PCDHA9: variants seen among roughly 807,000 people sequenced by gnomAD.
PCDHA9 encodes the protein protocadherin alpha 9, also known as protocadherin alpha-9.
A neutral mutation model predicts 62.0 loss-of-function variants in PCDHA9; 62 were observed. The ratio of observed to expected loss-of-function variants is 1.00; its 90% CI spans 0.81 to 1.23. The LOEUF (loss-of-function observed/expected upper bound fraction) is 1.23, where lower values mean the gene tolerates loss of function less well. Ranked by LOEUF, PCDHA9 falls within the 50% of genes most tolerant of loss-of-function variation. The pLI is 0.00. For missense variants in PCDHA9, 1,205 were observed against 1,249.8 expected (o/e 0.96, Z 0.54); for synonymous variants, 557 against 567.6 (o/e 0.98, Z 0.27).
chr5:140,875,160 C>A, intron 1 of PCDHA9: 1 of 339,568 alleles, frequency 2.9e-6, no homozygotes, highest in Non-Finnish European at 5.1e-6. Flanking sequence ...GAAAAATAAC[C>A]CAAAGTCGAA....
At chr5:140,912,220 C>T (rs1360868463) in intron 1 of PCDHA9, among the ~76,000 whole-genome samples, 1 of 151,800 alleles carries the variant, frequency 6.6e-6, no homozygotes, top group African/African-American at 2.4e-5. Flanking sequence ...ATCTGCCTTT[C>T]CCAGTCCACT....
At chr5:140,918,309 T>C (rs2078629927) in intron 1 of PCDHA9, among the ~76,000 whole-genome samples, 1 of 152,186 alleles carries the variant, frequency 6.6e-6, no homozygotes, top group Non-Finnish European at 1.5e-5. Context: ...TAGGGTTTTC[T>C]AGGTATAAAA....
chr5:140,869,279 T>C, intron 1 of PCDHA9: 1 of 1,613,596 alleles, frequency 6.2e-7, no homozygotes, highest in Non-Finnish European at 8.5e-7. Context: ...CTGGCGGAGC[T>C]GGTGCAGCGC....
At position 141,010,354 on chromosome 5, in the gene PCDHA9, C is replaced by A. The variant is rs1359778786; in HGVS notation, c.*417C>A. On this transcript the variant is annotated 3_prime_UTR_variant, in exon 4 of 4. Coordinates refer to ENST00000532602, the MANE Select transcript of PCDHA9 (RefSeq NM_031857.2). ...GTTTGTGGCCACTGGGTATGTGTGG[C>A]TACCGCGGGTATGCGAGTGCCAGAT... The A allele has an allele frequency of 2.0e-6, 3 of 1,506,078 alleles. No homozygotes were observed. The highest frequency in any genetic ancestry group is 4.4e-5 in the Admixed American group (2 of 45,166). 93.3% of individuals were successfully genotyped at this position (1,506,078 alleles called of 1,614,324 possible).
In PCDHA9 at chr5:140,968,959, C is replaced by T. The variant is rs782079520; in HGVS notation, c.2395-9990C>T. ...TCATCATTTTGAGCATCATCAAGTG[C>T]TACCGCTACACTGCGTATGGCACTG... On this transcript the variant is annotated intron_variant, in intron 1 of 3. Transcript: ENST00000532602. The T allele has an allele frequency of 1.5e-5, 25 of 1,614,182 alleles. 1 individual carries two copies. In the Middle Eastern group the frequency reaches 1.8e-3, roughly 117 times the overall value.
chr5:140,867,187 G>C (rs1219646479), intron 1 of PCDHA9: 1 of 152,072 alleles, frequency 6.6e-6, no homozygotes, highest in Non-Finnish European at 1.5e-5. Context: ...TACCTCGCAA[G>C]ACTCCACATT....
rs116228766 is a variant in PCDHA9 at position 140,907,042 on chromosome 5, C to A, written c.2394+56153C>A. Among the ~76,000 whole-genome samples, 705 of 152,284 alleles carry A rather than the reference C, an allele frequency of 4.6e-3. 3 individuals carry two copies. The highest frequency in any genetic ancestry group is 0.016 in the African/African-American group (683 of 41,556). On this transcript the variant is annotated intron_variant, in intron 1 of 3. Coordinates refer to ENST00000532602, the MANE Select transcript of PCDHA9 (RefSeq NM_031857.2). The stretch of plus-strand genomic sequence containing the variant: ...CCAGCAGAACATAATGTCACAGGGA[C>A]AGTAAGCAAAAATTTTACTAGTGGG...
intron 3 of PCDHA9, among the ~76,000 whole-genome samples, chr5:140,997,288 T>C (rs1554255825): frequency 1.3e-5 from 2 of 152,222 alleles, no homozygotes; most frequent in African/African-American, 4.8e-5. Context: ...CACTTAACAA[T>C]GGGGATACAC....
chr5:140,996,531 G>A (rs782175834), intron 3 of PCDHA9, among the ~76,000 whole-genome samples: 1 of 152,146 alleles, frequency 6.6e-6, no homozygotes, highest in African/African-American at 2.4e-5. Context: ...GGCCCTGTGT[G>A]TTTTGATATT....
At chr5:140,874,436 C>T (rs1407636354) in intron 1 of PCDHA9, among the ~76,000 whole-genome samples, 3 of 152,286 alleles carry the variant, frequency 2.0e-5, no homozygotes, top group East Asian at 3.9e-4. Flanking sequence ...GAAGCATGTC[C>T]TAACTACTAA....
intron 1 of PCDHA9, chr5:140,870,008 G>A (rs2051578395): frequency 1.2e-6 from 2 of 1,613,528 alleles, no homozygotes; most frequent in Non-Finnish European, 1.7e-6. Flanking sequence ...GGAGAAGTGA[G>A]GGTCAATGGA....
At chr5:140,929,228 A>G in intron 1 of PCDHA9, 1 of 1,613,898 alleles carries the variant, frequency 6.2e-7, no homozygotes, top group Non-Finnish European at 8.5e-7. Flanking sequence ...AATGCTGCCG[A>G]CCTGCGAAAT....
At chr5:141,008,341 T>C (rs1307430556) in intron 3 of PCDHA9, among the ~76,000 whole-genome samples, 2 of 152,132 alleles carry the variant, frequency 1.3e-5, no homozygotes, top group African/African-American at 4.8e-5. Context: ...TGATGGAGCT[T>C]TTCACGTGTC....
At chr5:140,928,381 T>C (rs1554205835) in intron 1 of PCDHA9, 2 of 1,614,054 alleles carry the variant, frequency 1.2e-6, no homozygotes, top group African/African-American at 2.7e-5. Flanking sequence ...AGCCTCTAGC[T>C]TGCTGGCAGT....
chr5:140,850,468 C>A lies in PCDHA9; in HGVS notation c.1973C>A (p.Ala658Glu). 2 of 1,597,912 alleles carry A rather than the reference C, an allele frequency of 1.3e-6. No individual in the cohort carries two copies. Among genetic ancestry groups the A allele is most frequent in the Non-Finnish European group, 8.6e-7 (1 of 1,167,648 alleles). ...CTGGTGAAAGACCACGGGGAGCCAG[C>A]GCTGACGGCCACGGCCACTGTGCTG... ...LVLVKDHGEP[A>E]LTATATVLVS... Residue 658 changes from alanine to glutamate, a missense_variant, in exon 1 of 4, where the codon GCG (alanine) becomes GAG (glutamate). By Grantham distance (107) the Ala-to-Glu change is moderately radical (BLOSUM62 -1). Around this residue, in one of 3 missense-constraint regions of PCDHA9, gnomAD observed 887 missense variants for 809.5 expected, o/e 1.10. Transcript: ENST00000532602.
chr5:140,912,007 C>A lies in PCDHA9; in HGVS notation c.2394+61118C>A, dbSNP rs572487277. Among the ~76,000 whole-genome samples, 3 of 152,282 alleles carry A rather than the reference C, an allele frequency of 2.0e-5. No homozygotes were observed. The East Asian group carries it at 5.8e-4, about 29-fold the overall frequency. On this transcript the variant is annotated intron_variant, in intron 1 of 3. Coordinates refer to ENST00000532602, the MANE Select transcript of PCDHA9 (RefSeq NM_031857.2). ...ACAAGGTCCCACAATAGGCCATCTGCAAGCTGAGGAGCAAGCAAGCCAATC... is the reference window on the plus strand; with the variant it reads ...ACAAGGTCCCACAATAGGCCATCTGAAAGCTGAGGAGCAAGCAAGCCAATC...
chr5:140,897,806 CA>C (rs1351917169), intron 1 of PCDHA9, among the ~76,000 whole-genome samples: 11 of 152,166 alleles, frequency 7.2e-5, no homozygotes, highest in African/African-American at 2.7e-4. Flanking sequence ...GTCCCACCAA[CA>C]GTGTAAAAGT....
rs2150488632 is a variant in PCDHA9, at chr5:140,850,538, G to A, written c.2043G>A (p.Arg681=). The stretch of plus-strand genomic sequence containing the variant: ...GCCAGGCGCCAAAGTCATCGTCGCG[G>A]GCGTCAGTGGGTGCCACGGGCCCCG... ...ESGQAPKSSS[R]ASVGATGPEV... The change falls in exon 1 of 4, where the codon CGG becomes CGA. Residue 681 remains arginine (R), a synonymous_variant. Transcript: ENST00000532602. The A allele has an allele frequency of 1.9e-6, 3 of 1,598,364 alleles. No homozygotes were observed. The highest frequency in any genetic ancestry group is 1.7e-6 in the Non-Finnish European group (2 of 1,167,840).
At chr5:141,001,388 TAC>T (rs1234412755) in intron 3 of PCDHA9, among the ~76,000 whole-genome samples, 4 of 152,238 alleles carry the variant, frequency 2.6e-5, no homozygotes, top group Non-Finnish European at 5.9e-5. Flanking sequence ...CCTAAGATCC[TAC>T]AGAGAACAGG....
Sources: allele counts gnomAD v4.1 joint callset (sites outside exome capture counted in the v4.1 genomes callset), GRCh38; gene constraint gnomAD v4.1.1; regional missense constraint gnomAD v4.1.1; transcripts MANE v1.5; gene names NCBI Gene and HGNC (gene_info 2026-07-23, HGNC 2026-07-21).